Variants in TAOK1 observed in about 807,000 individuals in gnomAD.
TAOK1 encodes the protein TAO kinase 1.
In TAOK1, 21 loss-of-function variants were observed where a neutral mutation model predicts 138.3. That is an observed-to-expected ratio of 0.15 (90% confidence interval 0.11 to 0.22). TAOK1 has a LOEUF of 0.22. Among genes scored for constraint, TAOK1 ranks in the 10% least tolerant of loss-of-function variants. The probability of loss-of-function intolerance (pLI) is 1.00; values close to 1 mark genes in which losing one functional copy is unlikely to be tolerated. For missense variants in TAOK1, 651 were observed against 1,227.7 expected, an observed-to-expected ratio of 0.53 and a Z score of 7.02; for synonymous variants, 361 against 398.4, an observed-to-expected ratio of 0.91 and a Z score of 1.12.
chr17:29,525,877 G>A (rs1188692337), intron 17 of TAOK1, among the ~76,000 whole-genome samples: 1 of 152,186 alleles, frequency 6.6e-6, no homozygotes, highest in Non-Finnish European at 1.5e-5. Context: ...CGTGCCTGTA[G>A]TCCCAGCTAC....
chr17:29,408,229 T>A (rs539249709), intron 1 of TAOK1, among the ~76,000 whole-genome samples: 14 of 150,410 alleles, frequency 9.3e-5, no homozygotes, highest in Non-Finnish European at 1.5e-4. Context: ...AAGGTTTTTT[T>A]TTTTTTTTTT....
chr17:29,447,967 T>TTC (rs1190486222), intron 1 of TAOK1, among the ~76,000 whole-genome samples: 2 of 150,200 alleles, frequency 1.3e-5, no homozygotes, highest in African/African-American at 4.9e-5. Flanking sequence ...TTTTTTTTTT[T>TTC]TTTTTTTTTT....
chr17:29,444,174 G>C (rs1164913468), intron 1 of TAOK1, among the ~76,000 whole-genome samples: 1 of 151,826 alleles, frequency 6.6e-6, no homozygotes, highest in Non-Finnish European at 1.5e-5. Context: ...ATTTTGTTTA[G>C]GTATTTCTGT....
chr17:29,481,866 A>G (rs2031070732), intron 7 of TAOK1, among the ~76,000 whole-genome samples: 1 of 152,146 alleles, frequency 6.6e-6, no homozygotes, highest in Admixed American at 6.5e-5. Context: ...AGGCTGAGGC[A>G]GGAGAATGGC....
At chr17:29,467,649 G>A (rs1233156068) in intron 3 of TAOK1, among the ~76,000 whole-genome samples, 2 of 152,044 alleles carry the variant, frequency 1.3e-5, no homozygotes, top group East Asian at 1.9e-4. Flanking sequence ...TTTTTTAAGT[G>A]TTAACAGGTG....
intron 1 of TAOK1, among the ~76,000 whole-genome samples, chr17:29,399,835 T>TA (rs1904783091): frequency 6.6e-6 from 1 of 152,030 alleles, no homozygotes; most frequent in Non-Finnish European, 1.5e-5. Flanking sequence ...GACTTAGCGA[T>TA]CCTCTCACCT....
intron 8 of TAOK1, 53 bp downstream of exon 8, chr17:29,482,341 C>G (rs2031081680): frequency 1.5e-6 from 2 of 1,346,272 alleles, no homozygotes; most frequent in Non-Finnish European, 2.1e-6. Context: ...TGTTTTACCT[C>G]AATTTCTGTA....
intron 1 of TAOK1, among the ~76,000 whole-genome samples, chr17:29,418,542 T>A (rs1175860006): frequency 6.6e-6 from 1 of 152,114 alleles, no homozygotes; most frequent in African/African-American, 2.4e-5. Flanking sequence ...GGTATCTGTG[T>A]GGGATTGGTT....
chr17:29,500,267 A>C (rs2031499969), intron 12 of TAOK1, among the ~76,000 whole-genome samples: 1 of 152,054 alleles, frequency 6.6e-6, no homozygotes, highest in African/African-American at 2.4e-5. Flanking sequence ...GTGAGCCAAG[A>C]TCGTACCACT....
intron 1 of TAOK1, among the ~76,000 whole-genome samples, chr17:29,426,398 G>A (rs1265431275): frequency 6.6e-6 from 1 of 152,166 alleles, no homozygotes; most frequent in Non-Finnish European, 1.5e-5. Flanking sequence ...ACACAGAAGA[G>A]GGTTCTGAAT....
intron 1 of TAOK1, among the ~76,000 whole-genome samples, chr17:29,420,142 T>G (rs1905385822): frequency 6.6e-6 from 1 of 151,884 alleles, no homozygotes. Flanking sequence ...CCTCCTGGGC[T>G]CAAGCAGTCC....
chr17:29,433,497 A>G (rs1283008187), intron 1 of TAOK1, among the ~76,000 whole-genome samples: 6 of 151,848 alleles, frequency 4.0e-5, no homozygotes, highest in Admixed American at 1.3e-4. Flanking sequence ...GCATTGCAGG[A>G]CTTTTCCTTA....
At chr17:29,509,342 A>G (rs2031678825) in intron 14 of TAOK1, among the ~76,000 whole-genome samples, 1 of 151,420 alleles carries the variant, frequency 6.6e-6, no homozygotes, top group African/African-American at 2.4e-5. Context: ...CTAATTTTTC[A>G]TCTACCATGC....
At chr17:29,453,090 G>A (rs1426602671) in intron 2 of TAOK1, among the ~76,000 whole-genome samples, 1 of 151,698 alleles carries the variant, frequency 6.6e-6, no homozygotes, top group African/African-American at 2.4e-5. Flanking sequence ...TATGTCTATG[G>A]ATTTGCCTAT....
rs942959556 is a variant in TAOK1 at position 29,455,868 on chromosome 17, G to C, written c.132+4188G>C. ...TTTAATATGCTCTAGGTTTCTGTTT[G>C]CTAGTATGGTGTTGGGAATTTTTCA... On this transcript the variant is annotated intron_variant, in intron 2 of 19. Transcript: ENST00000261716. Among the ~76,000 whole-genome samples the C allele has an allele frequency of 7.3e-5, 11 of 149,956 alleles. 2 individuals are homozygous for C. The highest frequency in any genetic ancestry group is 2.8e-4 in the African/African-American group (11 of 39,510).
intron 8 of TAOK1, among the ~76,000 whole-genome samples, chr17:29,488,795 A>G (rs990628847): frequency 6.6e-6 from 1 of 152,142 alleles, no homozygotes; most frequent in Non-Finnish European, 1.5e-5. Context: ...AATTGAACAC[A>G]AAATAAGCAG....
chr17:29,448,143 GTTACAAAGAAAT>G (rs1227849958), intron 1 of TAOK1, among the ~76,000 whole-genome samples: 2 of 150,688 alleles, frequency 1.3e-5, no homozygotes, highest in Non-Finnish European at 3.0e-5. Flanking sequence ...CTTCACACTG[GTTACAAAGAAAT>G]TTACTCATAT....
At chr17:29,458,324 G>A (rs966599901) in intron 2 of TAOK1, among the ~76,000 whole-genome samples, 1 of 152,150 alleles carries the variant, frequency 6.6e-6, no homozygotes, top group African/African-American at 2.4e-5. Context: ...GCTTATGTTA[G>A]TTTTATAATC....
intron 1 of TAOK1, 138 bp from the exon 2 acceptor site, chr17:29,451,317 C>T (rs966256021): frequency 3.1e-6 from 1 of 319,360 alleles, no homozygotes; most frequent in Non-Finnish European, 5.7e-6. Context: ...GGTTTAGGAG[C>T]TACTGCAGTA....
Sources: allele counts gnomAD v4.1 joint callset (sites outside exome capture counted in the v4.1 genomes callset), GRCh38; gene constraint gnomAD v4.1.1; transcripts MANE v1.5; gene names NCBI Gene and HGNC (gene_info 2026-07-23, HGNC 2026-07-21).